ABCB5: variants seen among roughly 807,000 people sequenced by gnomAD.
ABCB5 encodes ATP-binding cassette sub-family B member 5.
A neutral mutation model predicts 144.2 loss-of-function variants in ABCB5; 155 were observed. That is an observed-to-expected ratio of 1.08 (90% CI 0.94 to 1.23). The LOEUF (loss-of-function observed/expected upper bound fraction) is 1.23. Among genes scored for constraint, ABCB5 ranks in the 50% most tolerant of loss-of-function variants. The probability of loss-of-function intolerance (pLI) is 0.00; values close to 1 mark genes in which losing one functional copy is unlikely to be tolerated. For missense variants in ABCB5, 1,830 were observed against 1,520.8 expected, an observed-to-expected ratio of 1.20 and a Z score of -3.38; for synonymous variants, 610 against 528.6, an observed-to-expected ratio of 1.15 and a Z score of -2.11.
chr7:20,676,633 T>A (rs910867754), intron 14 of ABCB5, among the ~76,000 whole-genome samples: 6 of 152,132 alleles, frequency 3.9e-5, no homozygotes, highest in African/African-American at 7.2e-5. Context: ...GGAATAAAAT[T>A]TCATTTATGT....
At chr7:20,739,271 G>A (rs964097780) in intron 24 of ABCB5, 132 bp downstream of exon 24, 3 of 855,416 alleles carry the variant, frequency 3.5e-6, no homozygotes, top group African/African-American at 3.5e-5. Flanking sequence ...CAGTACCTGT[G>A]TGACAAGATC....
intron 19 of ABCB5, among the ~76,000 whole-genome samples, 171 bp from the exon 20 acceptor site, chr7:20,704,553 G>A (rs534019959): frequency 6.6e-6 from 1 of 152,154 alleles, no homozygotes; most frequent in Admixed American, 6.5e-5. Context: ...TATAAATATA[G>A]ATCTTCATGA....
chr7:20,623,761 A>T (rs1441027317), intron 2 of ABCB5, among the ~76,000 whole-genome samples: 1 of 152,226 alleles, frequency 6.6e-6, no homozygotes, highest in African/African-American at 2.4e-5. Context: ...TATGTATGTT[A>T]TACAAGTTTC....
intron 14 of ABCB5, chr7:20,659,936 G>A (rs967346620): frequency 6.1e-6 from 6 of 976,912 alleles, no homozygotes; most frequent in Non-Finnish European, 7.3e-6. Flanking sequence ...CGCCCACCTC[G>A]GCCTCCCAAA....
intron 11 of ABCB5, among the ~76,000 whole-genome samples, chr7:20,649,467 T>C (rs1216621517): frequency 1.3e-5 from 2 of 152,158 alleles, no homozygotes; most frequent in African/African-American, 4.8e-5. Flanking sequence ...CCTGGCACAC[T>C]AAATGCTGTA....
intron 2 of ABCB5, among the ~76,000 whole-genome samples, chr7:20,626,138 C>T (rs973699190): frequency 2.0e-5 from 3 of 152,052 alleles, no homozygotes; most frequent in Non-Finnish European, 4.4e-5. Context: ...AATAGAACCG[C>T]GGTTGCCAGG....
intron 25 of ABCB5, 52 bp downstream of exon 25, chr7:20,743,126 A>T (rs1782614820): frequency 2.5e-6 from 4 of 1,578,190 alleles, no homozygotes; most frequent in African/African-American, 2.7e-5. Flanking sequence ...TCCTATTCTT[A>T]AACATTCACT....
intron 16 of ABCB5, among the ~76,000 whole-genome samples, chr7:20,686,627 T>C (rs1786010943): frequency 6.6e-6 from 1 of 152,112 alleles, no homozygotes. Flanking sequence ...CCAGTCGACC[T>C]TTGCTAGCCC....
At position 20,753,449 on chromosome 7, in the gene ABCB5, A is replaced by C; in HGVS notation, c.3519A>C (p.Lys1173Asn). Residue 1173 changes from lysine to asparagine, a missense_variant, in exon 27 of 28, where the codon AAA becomes AAC. By Grantham distance (94) the Lys-to-Asn change is moderately conservative. Transcript: ENST00000404938. ...RLAIARALLQ[K>N]PKILLLDEAT... ...CTATTGCAAGGGCTCTTCTCCAAAA[A>C]CCCAAAATTTTATTGTTGGATGAGG... 2 of 1,614,032 alleles carry C rather than the reference A, an allele frequency of 1.2e-6. No individual in the cohort carries two copies. Among genetic ancestry groups the C allele is most frequent in the South Asian group, 2.2e-5 (2 of 91,062 alleles).
chr7:20,659,288 A>C, intron 14 of ABCB5: 1 of 1,451,894 alleles, frequency 6.9e-7, no homozygotes, highest in Non-Finnish European at 9.1e-7. Context: ...AAAACCATTG[A>C]ACAGTTTTCT....
intron 16 of ABCB5, among the ~76,000 whole-genome samples, chr7:20,697,905 G>C (rs961884098): frequency 6.6e-5 from 10 of 152,126 alleles, no homozygotes; most frequent in Non-Finnish European, 1.3e-4. Flanking sequence ...TTGTAAATAA[G>C]AACTCCAAAA....
intron 16 of ABCB5, among the ~76,000 whole-genome samples, chr7:20,689,218 C>T (rs903568648): frequency 2.6e-5 from 4 of 152,288 alleles, no homozygotes; most frequent in Middle Eastern, 3.4e-3. Flanking sequence ...GAGTGAAATA[C>T]AGCACCCATC....
chr7:20,647,474 A>G (rs1440142030), intron 9 of ABCB5, 61 bp from the exon 10 acceptor site: 4 of 1,495,704 alleles, frequency 2.7e-6, no homozygotes, highest in Non-Finnish European at 3.6e-6. Flanking sequence ...TATATATTAC[A>G]TTCTATTGTC....
rs1562573771 is a variant in ABCB5 at position 20,711,840 on chromosome 7, CTTTCTTTTCTTTCT to C, written c.2421+7036_2421+7049del. On this transcript the variant is annotated intron_variant, in intron 20 of 27. Transcript: ENST00000404938. ...TCTTTCTTTCTTTCTTTCTTTCTTT[CTTTCTTTTCTTTCT>C]TTCTTTCCTTCCTCCCTCCCTCCCT... Among the ~76,000 whole-genome samples, 8 of 54,742 alleles carry C rather than the reference CTTTCTTTTCTTTCT, an allele frequency of 1.5e-4. 1 individual carries two copies. The highest frequency in any genetic ancestry group is 1.0e-3 in the African/African-American group (7 of 6,716). The allele number at this position is 54,742 out of a possible 152,430, so 35.9% of individuals were successfully genotyped here.
chr7:20,646,395 C>T (rs984380355), intron 9 of ABCB5, among the ~76,000 whole-genome samples: 1 of 152,182 alleles, frequency 6.6e-6, no homozygotes, highest in African/African-American at 2.4e-5. Context: ...TTGAATTCCC[C>T]ACTGGGAAAT....
At chr7:20,738,217 A>G (rs1039679171) in intron 23 of ABCB5, among the ~76,000 whole-genome samples, 1 of 152,214 alleles carries the variant, frequency 6.6e-6, no homozygotes, top group East Asian at 1.9e-4. Context: ...ACTAAGATGC[A>G]TTGTTTTGCA....
chr7:20,661,211 T>C (rs143996980), intron 14 of ABCB5, among the ~76,000 whole-genome samples: 2 of 152,374 alleles, frequency 1.3e-5, no homozygotes, highest in South Asian at 2.1e-4. Flanking sequence ...CAAGGCTCTA[T>C]GGAGCTGGGC....
intron 15 of ABCB5, among the ~76,000 whole-genome samples, chr7:20,683,150 T>C (rs895069921): frequency 7.2e-4 from 110 of 152,290 alleles, no homozygotes; most frequent in African/African-American, 2.6e-3. Context: ...CTCATCAAGT[T>C]TATAACTTCA....
At chr7:20,649,797 A>C (rs916737) in intron 11 of ABCB5, among the ~76,000 whole-genome samples, 26,663 of 152,172 alleles carry the variant, frequency 0.18, 2,566 homozygotes, top group Non-Finnish European at 0.21. Flanking sequence ...AAGTACTCTT[A>C]ATTTAGTTCT....
Sources: gnomAD v4.1 joint callset for allele counts (sites outside exome capture counted in the v4.1 genomes callset) on GRCh38, gnomAD v4.1.1 for gene constraint, MANE v1.5 for transcripts, NCBI Gene and HGNC (gene_info 2026-07-23, HGNC 2026-07-21) for gene names.